Variants in TMEM132D observed in about 807,000 individuals in gnomAD.
TMEM132D encodes mature OL transmembrane protein.
TMEM132D carries 21 observed loss-of-function variants against 62.3 expected under a neutral mutation model. The ratio of observed to expected loss-of-function variants is 0.34; its 90% CI spans 0.24 to 0.49. TMEM132D has a LOEUF of 0.49. Ranked by LOEUF, TMEM132D falls within the 20% of genes least tolerant of loss-of-function variation. The pLI is 0.99. For missense variants in TMEM132D, 1,346 were observed against 1,402.8 expected (o/e 0.96, Z 0.65); for synonymous variants, 621 against 575.6 (o/e 1.08, Z -1.13).
intron 5 of TMEM132D, among the ~76,000 whole-genome samples, chr12:129,169,179 GC>G (rs1189659245): frequency 6.6e-6 from 1 of 152,012 alleles, no homozygotes; most frequent in African/African-American, 2.4e-5. Context: ...CTGTGGTGGG[GC>G]CTAAGAACTT....
intron 4 of TMEM132D, among the ~76,000 whole-genome samples, chr12:129,280,747 A>G (rs1388351838): frequency 6.6e-6 from 1 of 152,084 alleles, no homozygotes; most frequent in South Asian, 2.1e-4. Flanking sequence ...ATCTTAGCTT[A>G]TCTATCTAAT....
chr12:129,525,879 CTATT>C (rs1332427239), intron 3 of TMEM132D, among the ~76,000 whole-genome samples: 1 of 152,160 alleles, frequency 6.6e-6, no homozygotes, highest in Non-Finnish European at 1.5e-5. Context: ...GATATGGAAA[CTATT>C]TAAGGCATCA....
At chr12:129,191,803 T>C (rs1415156861) in intron 5 of TMEM132D, among the ~76,000 whole-genome samples, 1 of 151,900 alleles carries the variant, frequency 6.6e-6, no homozygotes, top group African/African-American at 2.4e-5. Context: ...ACGAAATATC[T>C]CCTGTTTTTG....
chr12:129,078,085 T>G (rs1049091563), intron 8 of TMEM132D, among the ~76,000 whole-genome samples: 1 of 152,182 alleles, frequency 6.6e-6, no homozygotes. Context: ...CGCCACAGGC[T>G]CCCCACTCAG....
At chr12:129,535,920 T>C (rs114020621) in intron 2 of TMEM132D, among the ~76,000 whole-genome samples, 118 of 152,202 alleles carry the variant, frequency 7.8e-4, no homozygotes, top group African/African-American at 2.6e-3. Flanking sequence ...ATTTGGATTG[T>C]GTGTAAGTCT....
At chr12:129,405,642 G>T (rs1349718543) in intron 3 of TMEM132D, among the ~76,000 whole-genome samples, 1 of 152,062 alleles carries the variant, frequency 6.6e-6, no homozygotes, top group African/African-American at 2.4e-5. Context: ...ATCTTTTTGG[G>T]AGCAGAAGCA....
chr12:129,720,206 C>T (rs1176824385), intron 1 of TMEM132D, among the ~76,000 whole-genome samples: 1 of 152,154 alleles, frequency 6.6e-6, no homozygotes, highest in Non-Finnish European at 1.5e-5. Flanking sequence ...AAATAAAATA[C>T]TGGAGTGACA....
intron 4 of TMEM132D, among the ~76,000 whole-genome samples, chr12:129,238,532 A>G (rs1481287737): frequency 6.6e-6 from 1 of 152,172 alleles, no homozygotes; most frequent in East Asian, 1.9e-4. Context: ...TTTTGTTTCT[A>G]TAAATTTGCC....
At chr12:129,391,513 C>G (rs1344803315) in intron 3 of TMEM132D, among the ~76,000 whole-genome samples, 1 of 152,174 alleles carries the variant, frequency 6.6e-6, no homozygotes, top group African/African-American at 2.4e-5. Context: ...GAAAGGTTCT[C>G]CTGCACGGGC....
At chr12:129,229,974 T>G (rs1879591506) in intron 4 of TMEM132D, among the ~76,000 whole-genome samples, 2 of 152,246 alleles carry the variant, frequency 1.3e-5, no homozygotes, top group African/African-American at 2.4e-5. Context: ...AACTTCTTAA[T>G]TATGTTTCTT....
chr12:129,823,751 T>C (rs986264853), intron 1 of TMEM132D, among the ~76,000 whole-genome samples: 1 of 152,222 alleles, frequency 6.6e-6, no homozygotes, highest in Admixed American at 6.5e-5. Context: ...GCTAGCTATG[T>C]CACATTTAAC....
intron 5 of TMEM132D, among the ~76,000 whole-genome samples, chr12:129,107,956 G>A (rs552657371): frequency 6.6e-6 from 1 of 151,794 alleles, no homozygotes; most frequent in African/African-American, 2.4e-5. Flanking sequence ...GCCTCCCAAA[G>A]TGCTAGCATT....
intron 1 of TMEM132D, among the ~76,000 whole-genome samples, chr12:129,725,250 G>A (rs1252499336): frequency 1.3e-5 from 2 of 152,168 alleles, no homozygotes; most frequent in African/African-American, 4.8e-5. Flanking sequence ...TCAATTTAAG[G>A]AAACAAAGTA....
At chr12:129,140,214 C>CCACACACACA (rs58179230) in intron 5 of TMEM132D, among the ~76,000 whole-genome samples, 6,650 of 148,582 alleles carry the variant, frequency 0.045, 153 homozygotes, top group African/African-American at 0.056. Context: ...GGCGCTGTTA[C>CCACACACACA]CACACACACA....
At chr12:129,357,151 G>C (rs1443087513) in intron 3 of TMEM132D, among the ~76,000 whole-genome samples, 3 of 151,376 alleles carry the variant, frequency 2.0e-5, no homozygotes, top group Non-Finnish European at 2.9e-5. Context: ...GGAGGCTGAG[G>C]CAGGAGAATG....
intron 4 of TMEM132D, among the ~76,000 whole-genome samples, chr12:129,227,182 A>C (rs1010858654): frequency 5.3e-5 from 8 of 151,796 alleles, no homozygotes; most frequent in Non-Finnish European, 1.2e-4. Flanking sequence ...ATCCTCAAGC[A>C]TGTGGCCAAA....
intron 3 of TMEM132D, among the ~76,000 whole-genome samples, chr12:129,453,181 T>G (rs1873354792): frequency 6.6e-6 from 1 of 152,140 alleles, no homozygotes; most frequent in South Asian, 2.1e-4. Context: ...ATCACCCACC[T>G]CTCTGCAGTC....
At chr12:129,883,901 G>A (rs143791098) in intron 1 of TMEM132D, among the ~76,000 whole-genome samples, 1 of 152,122 alleles carries the variant, frequency 6.6e-6, no homozygotes, top group Non-Finnish European at 1.5e-5. Context: ...ACCAAGACTG[G>A]ATTATAGACC....
Position 129,827,894 on chromosome 12 carries a change from A to C in TMEM132D, c.79+75367T>G, listed in dbSNP as rs1480927829. On this transcript the variant is annotated intron_variant, in intron 1 of 8. Coordinates refer to ENST00000422113, the MANE Select transcript of TMEM132D (RefSeq NM_133448.3). This position sits in a 1 kb window ranked among gnomAD's most constrained non-coding sequence, Gnocchi z 9.7. Reference sequence around the variant, plus strand: ...TACAGCCACTAAGTGATAAAACCATAATCTTCCTAAAGAAATGGGCCACAT... The same window carrying C: ...TACAGCCACTAAGTGATAAAACCATCATCTTCCTAAAGAAATGGGCCACAT... Among the ~76,000 whole-genome samples, 2 of 152,214 alleles carry C rather than the reference A, an allele frequency of 1.3e-5. No homozygotes were observed.
Sources: gnomAD v4.1 joint callset for allele counts (sites outside exome capture counted in the v4.1 genomes callset) on GRCh38, gnomAD v4.1.1 for gene constraint, Gnocchi (gnomAD v3.1) non-coding constraint, MANE v1.5 for transcripts, NCBI Gene and HGNC (gene_info 2026-07-23, HGNC 2026-07-21) for gene names.